The following ZZEF1 variants were observed in gnomAD, a reference collection of about 807,000 sequenced individuals.
ZZEF1 encodes zinc finger ZZ-type and EF-hand domain-containing protein 1.
Under a neutral mutation model 342.8 loss-of-function variants are expected in ZZEF1, and 157 were observed. That is an observed-to-expected ratio of 0.46 (90% CI 0.40 to 0.52). ZZEF1 has a LOEUF of 0.52. ZZEF1 is among the 20% of genes least tolerant of loss of function. The pLI, the probability that ZZEF1 is intolerant of heterozygous loss-of-function variation, is 0.00. For synonymous variants in ZZEF1, 1,505 were observed against 1,429.1 expected, an observed-to-expected ratio of 1.05 and a Z score of -1.20; for missense variants, 3,480 against 3,725.6, an observed-to-expected ratio of 0.93 and a Z score of 1.72.
intron 11 of ZZEF1, 40 bp downstream of exon 11, chr17:4,095,791 C>T (rs772977282): frequency 6.4e-7 from 1 of 1,566,664 alleles, no homozygotes; most frequent in Non-Finnish European, 8.7e-7. Flanking sequence ...GATTTTTGTT[C>T]TGTAGATCTT....
chr17:4,026,579 T>G lies in ZZEF1; in HGVS notation c.6893-1461A>C, dbSNP rs544704414. 1.1e-4 allele frequency among the ~76,000 whole-genome samples: 17 copies of G among 150,944 alleles called. No individual in the cohort carries two copies. The South Asian group carries it at 3.0e-3, about 26-fold the overall frequency. On this transcript the variant is annotated intron_variant, in intron 42 of 54. Coordinates refer to ENST00000381638, the MANE Select transcript of ZZEF1 (RefSeq NM_015113.4). The stretch of plus-strand genomic sequence containing the variant: ...TCTTGTCACCCAGGCTGGAGTACAA[T>G]GACGTGATCTTGGCTGACTGCAACC...
intron 45 of ZZEF1, 162 bp from the exon 46 acceptor site, chr17:4,019,931 C>A: frequency 1.9e-6 from 1 of 535,442 alleles, no homozygotes; most frequent in South Asian, 2.7e-5. Flanking sequence ...AAATTGTAAG[C>A]ACCAAAACAT....
At chr17:4,039,524 G>C (rs1367335377) in intron 39 of ZZEF1, among the ~76,000 whole-genome samples, 1 of 152,088 alleles carries the variant, frequency 6.6e-6, no homozygotes, top group Non-Finnish European at 1.5e-5. Flanking sequence ...AGATGCAAAT[G>C]GGGCAGACAC....
chr17:4,021,546 G>A (rs1353745808), intron 44 of ZZEF1, among the ~76,000 whole-genome samples: 1 of 152,208 alleles, frequency 6.6e-6, no homozygotes, highest in African/African-American at 2.4e-5. Flanking sequence ...CTTCCCCACA[G>A]ATGGTATCAA....
intron 42 of ZZEF1, among the ~76,000 whole-genome samples, chr17:4,027,614 T>A (rs1399489944): frequency 2.7e-5 from 4 of 147,558 alleles, no homozygotes; most frequent in Non-Finnish European, 4.5e-5. Flanking sequence ...TTTTTTTTTT[T>A]AAAGAGACAG....
Position 4,114,483 on chromosome 17 carries a change from C to A in ZZEF1, c.695-13G>T. ...TCTCCAGGGCTTTCTGTAGGGGAAA[C>A]CAGAGTTGATTATATGACATCCCTT... On this transcript the variant is annotated splice_polypyrimidine_tract_variant and intron_variant, in intron 3 of 54. Coordinates refer to ENST00000381638, the MANE Select transcript of ZZEF1 (RefSeq NM_015113.4). 1 of 1,485,386 alleles carries A rather than the reference C, an allele frequency of 6.7e-7. No individual in the cohort carries two copies. Among genetic ancestry groups the A allele is most frequent in the South Asian group, 1.4e-5 (1 of 70,652 alleles). 92.0% of individuals were successfully genotyped at this position (1,485,386 alleles called of 1,614,324 possible). A position where few individuals can be genotyped will look rare whatever the true frequency, so the allele number is the denominator to read the frequency against.
Position 4,093,529 on chromosome 17 carries a change from C to T in ZZEF1, c.1913+2302G>A, listed in dbSNP as rs116195005. Among the ~76,000 whole-genome samples, 1,293 of 152,244 alleles carry T rather than the reference C, an allele frequency of 8.5e-3. 16 individuals are homozygous for T. The highest frequency in any genetic ancestry group is 0.03 in the African/African-American group (1,234 of 41,526). On this transcript the variant is annotated intron_variant, in intron 11 of 54. Coordinates refer to ENST00000381638, the MANE Select transcript of ZZEF1 (RefSeq NM_015113.4). ...ATTGCAGCAAGAAGAGCGAATTATT[C>T]GAATTATTCTAGATCCTTACGATTT... is the stretch of plus-strand genomic sequence containing the variant.
In ZZEF1 at chr17:4,055,142, C is replaced by T. The variant is rs940864087; in HGVS notation, c.5296-947G>A. On this transcript the variant is annotated intron_variant, in intron 33 of 54. Coordinates refer to ENST00000381638, the MANE Select transcript of ZZEF1 (RefSeq NM_015113.4). Reference sequence around the variant, plus strand: ...GCTTTACTGGAAAGTACTTGGACTACAGTATTGTTTCTCTTTAGGGCCTGG... The same window carrying T: ...GCTTTACTGGAAAGTACTTGGACTATAGTATTGTTTCTCTTTAGGGCCTGG... Among the ~76,000 whole-genome samples the T allele has an allele frequency of 4.6e-5, 7 of 152,168 alleles. No homozygotes were observed. In the East Asian group the frequency reaches 1.3e-3, roughly 29 times the overall value.
intron 18 of ZZEF1, 85 bp from the exon 19 acceptor site, chr17:4,078,127 G>A: frequency 7.2e-7 from 1 of 1,395,660 alleles, no homozygotes. Flanking sequence ...AGCAGCAGCT[G>A]TCACCAGCAA....
chr17:4,076,860 T>C lies in ZZEF1; in HGVS notation c.3111+8A>G. The C allele has an allele frequency of 6.2e-7, 1 of 1,614,054 alleles. No homozygotes were observed. Among genetic ancestry groups the C allele is most frequent in the South Asian group, 1.1e-5 (1 of 91,064 alleles). Reference sequence around the variant, plus strand: ...GGTTCTTTACAAATAGCTGCTAGTTTTTCTTACCAGTTGACGAGCTGCCAT... The same window carrying C: ...GGTTCTTTACAAATAGCTGCTAGTTCTTCTTACCAGTTGACGAGCTGCCAT... On this transcript the variant is annotated splice_region_variant and intron_variant, in intron 20 of 54. Transcript: ENST00000381638.
chr17:4,032,179 G>A lies in ZZEF1; in HGVS notation c.6839C>T (p.Thr2280Ile), dbSNP rs201873097. ...AACAATCACAGCCCTGTTCTTCTCA[G>A]TAAAGTGCTTCAAGATGATCACATT... ...PHNVIILKHF[T>I]EKNRAVIVDV... Residue 2280 changes from threonine to isoleucine, a missense_variant, in exon 42 of 55, where the codon ACT (threonine) becomes ATT (isoleucine). Transcript: ENST00000381638. The A allele has an allele frequency of 5.0e-6, 8 of 1,613,906 alleles. No individual in the cohort carries two copies. The highest frequency in any genetic ancestry group is 1.3e-5 in the African/African-American group (1 of 74,894).
At chr17:4,049,449 G>T (rs1189783936) in intron 37 of ZZEF1, among the ~76,000 whole-genome samples, 1 of 152,136 alleles carries the variant, frequency 6.6e-6, no homozygotes, top group Admixed American at 6.5e-5. Flanking sequence ...GGAGGTCAAG[G>T]CTGCAGTGAG....
chr17:4,137,480 C>T (rs9902846), intron 1 of ZZEF1, among the ~76,000 whole-genome samples: 53,022 of 151,944 alleles, frequency 0.35, 9,913 homozygotes, highest in African/African-American at 0.49. Flanking sequence ...GGCGTGGTGG[C>T]AGGCGCCTGT....
At chr17:4,033,165 A>G in intron 40 of ZZEF1, 163 bp from the exon 41 acceptor site, 4 of 656,860 alleles carry the variant, frequency 6.1e-6, no homozygotes, top group South Asian at 5.4e-5. Context: ...TGAGTAAAAG[A>G]GCAAACAAAA....
intron 54 of ZZEF1, 23 bp from the exon 55 acceptor site, chr17:4,006,993 C>A (rs768294712): frequency 6.4e-6 from 10 of 1,558,362 alleles, no homozygotes; most frequent in Admixed American, 1.9e-5. Flanking sequence ...AAAGAGTTGT[C>A]GCCAATGTCG....
chr17:4,066,422 C>T, intron 28 of ZZEF1, 25 bp downstream of exon 28: 1 of 1,610,944 alleles, frequency 6.2e-7, no homozygotes, highest in Non-Finnish European at 8.5e-7. Context: ...GGCTCAGGGA[C>T]AACAGCTGGT....
intron 13 of ZZEF1, among the ~76,000 whole-genome samples, chr17:4,088,078 C>A (rs1597873730): frequency 6.6e-6 from 1 of 152,058 alleles, no homozygotes; most frequent in East Asian, 1.9e-4. Flanking sequence ...TCTGAATGTG[C>A]CCTGAAGCAG....
chr17:4,121,312 C>A (rs753903244), intron 2 of ZZEF1, among the ~76,000 whole-genome samples: 9 of 152,086 alleles, frequency 5.9e-5, no homozygotes, highest in Non-Finnish European at 1.3e-4. Context: ...TATGTAAACG[C>A]TAAGATAAAA....
At position 4,064,484 on chromosome 17, in the gene ZZEF1, C is replaced by T. The variant is rs1422547586; in HGVS notation, c.4595G>A (p.Arg1532Gln). The change falls in exon 29 of 55, where the codon CGA (arginine) becomes CAA (glutamine). Residue 1532 changes from arginine (R) to glutamine (Q), a missense_variant. By Grantham distance (43) the Arg-to-Gln change is conservative. Transcript: ENST00000381638. ...PTRRPPFTRG[R>Q]LRLLSFRSME... The stretch of plus-strand genomic sequence containing the variant: ...GGATCGAAAGGAGAGCAGCCGGAGT[C>T]GCCCTCGGGTGAAGGGAGGCCGGCG... 14 of 1,614,128 alleles carry T rather than the reference C, an allele frequency of 8.7e-6. No individual in the cohort carries two copies. Among genetic ancestry groups the T allele is most frequent in the South Asian group, 3.3e-5 (3 of 91,070 alleles).
Sources: gnomAD v4.1 joint callset for allele counts (sites outside exome capture counted in the v4.1 genomes callset) on GRCh38, gnomAD v4.1.1 for gene constraint, MANE v1.5 for transcripts, NCBI Gene and HGNC (gene_info 2026-07-23, HGNC 2026-07-21) for gene names.